Variants in VIRMA observed in about 807,000 individuals in gnomAD.
The protein encoded by VIRMA is vir like m6A methyltransferase associated.
A neutral mutation model predicts 182.4 loss-of-function variants in VIRMA; 65 were observed. The observed-to-expected ratio is 0.36, with a 90% CI of 0.29 to 0.44. VIRMA has a LOEUF of 0.44. VIRMA is among the 20% of genes least tolerant of loss of function. The pLI is 1.00. For missense variants in VIRMA, 1,752 were observed against 2,158.1 expected (o/e 0.81, Z 3.73); for synonymous variants, 709 against 743.1 (o/e 0.95, Z 0.75).
At chr8:94,551,750 G>A (rs1169933420) in intron 1 of VIRMA, among the ~76,000 whole-genome samples, 1 of 152,020 alleles carries the variant, frequency 6.6e-6, no homozygotes, top group African/African-American at 2.4e-5. Context: ...TTCGAGACAG[G>A]GTCTCACTCT....
chr8:94,542,143 T>G (rs995561467), intron 2 of VIRMA, among the ~76,000 whole-genome samples: 2 of 152,198 alleles, frequency 1.3e-5, no homozygotes, highest in African/African-American at 4.8e-5. Context: ...GTACACCCTA[T>G]GTAGGCCCCT....
rs1296995711 is a variant in VIRMA, at chr8:94,509,748, A to T, written c.3819T>A (p.Ser1273Arg). 3.7e-6 allele frequency: 6 copies of T among 1,613,948 alleles called. No homozygotes were observed. The highest frequency in any genetic ancestry group is 4.2e-6 in the Non-Finnish European group (5 of 1,179,952). ...ATTCAACACACTGTTGGCGAATAAC[A>T]CTGTCTCCAGGAGACCGCACCAAAG... Reference protein sequence around the residue: ...LLALVRSPGDSVIRQQCVEYV... With the variant: ...LLALVRSPGDRVIRQQCVEYV... The change falls in exon 15 of 24, where the codon AGT (serine) becomes AGA (arginine). Residue 1273 changes from serine to arginine, a missense_variant. By Grantham distance (110) the Ser-to-Arg change is moderately radical. This residue lies in a region of VIRMA where 777 missense variants were observed against 920.6 expected (regional missense o/e 0.84). Transcript: ENST00000297591.
At chr8:94,494,649 T>C (rs531951930) in intron 20 of VIRMA, among the ~76,000 whole-genome samples, 2 of 77,532 alleles carry the variant, frequency 2.6e-5, no homozygotes, top group East Asian at 6.8e-4. Flanking sequence ...AACCTCAAAA[T>C]ACAGATCACT....
At chr8:94,549,061 T>G (rs1018957773) in intron 1 of VIRMA, among the ~76,000 whole-genome samples, 2 of 152,216 alleles carry the variant, frequency 1.3e-5, no homozygotes, top group African/African-American at 4.8e-5. Flanking sequence ...TGGCTTATCT[T>G]GCATTCTTGA....
Position 94,488,845 on chromosome 8 carries a change from G to A in VIRMA, c.5300C>T (p.Pro1767Leu), listed in dbSNP as rs533701284. Residue 1767 changes from proline to leucine, a missense_variant, in exon 24 of 24, where the codon CCT becomes CTT. Pro to Leu is a moderately conservative substitution (Grantham distance 98). Transcript: ENST00000297591. The part of the protein sequence containing the change: ...PLSSTGYRPS[P>L]RDRASRGRGG... ...ACGACCTCTAGAAGCACGGTCCCGAGGACTTGGGCGGTAACCTGTAAAAGA... is the reference window on the plus strand; with the variant it reads ...ACGACCTCTAGAAGCACGGTCCCGAAGACTTGGGCGGTAACCTGTAAAAGA... The A allele has an allele frequency of 1.9e-6, 3 of 1,613,816 alleles. No homozygotes were observed. The highest frequency in any genetic ancestry group is 2.2e-5 in the South Asian group (2 of 91,052).
rs921761119 is a variant in VIRMA, at chr8:94,529,058, A to G, written c.880+12T>C. ...GTACTTAAACCCCAAAGTCCTAGCT[A>G]ACATAACCCACCTTCACCTTCTTCA... On this transcript the variant is annotated intron_variant, in intron 7 of 23. Transcript: ENST00000297591. The G allele has an allele frequency of 2.5e-6, 4 of 1,611,708 alleles. No individual in the cohort carries two copies. The highest frequency in any genetic ancestry group is 3.4e-6 in the Non-Finnish European group (4 of 1,177,910).
chr8:94,495,715 A>C lies in VIRMA; in HGVS notation c.4544+16T>G, dbSNP rs1349766174. On this transcript the variant is annotated intron_variant, in intron 19 of 23. Coordinates refer to ENST00000297591, the MANE Select transcript of VIRMA (RefSeq NM_015496.5). ...AAACCAACAGCTATTCAATCATAAA[A>C]CATTGTGTATTTTACCTATTGTTAA... 6.2e-7 allele frequency: 1 copy of C among 1,607,728 alleles called. No homozygotes were observed. Among genetic ancestry groups the C allele is most frequent in the East Asian group, 2.2e-5 (1 of 44,812 alleles).
At chr8:94,524,001 GTTTA>G (rs113588036) in intron 8 of VIRMA, among the ~76,000 whole-genome samples, 94 of 150,328 alleles carry the variant, frequency 6.3e-4, no homozygotes, top group African/African-American at 2.0e-3. Context: ...TTTGTTACTT[GTTTA>G]TTTATTTTTT....
chr8:94,530,850 T>G, intron 6 of VIRMA, 113 bp downstream of exon 6: 1 of 1,146,304 alleles, frequency 8.7e-7, no homozygotes, highest in Non-Finnish European at 1.2e-6. Flanking sequence ...TGGTCAAGAC[T>G]GCAGTGAGCC....
chr8:94,490,500 T>A (rs1167245292), intron 22 of VIRMA, among the ~76,000 whole-genome samples: 1 of 152,200 alleles, frequency 6.6e-6, no homozygotes, highest in African/African-American at 2.4e-5. Context: ...TATGAAAACA[T>A]GTTTATCAAT....
At chr8:94,495,589 C>T (rs1052909836) in intron 19 of VIRMA, 142 bp downstream of exon 19, 19 of 392,024 alleles carry the variant, frequency 4.8e-5, no homozygotes, top group Non-Finnish European at 8.0e-5. Flanking sequence ...AAGAAGAATA[C>T]ACAACAGAGG....
At chr8:94,514,749 T>C in intron 11 of VIRMA, 120 bp downstream of exon 11, 1 of 574,152 alleles carries the variant, frequency 1.7e-6, no homozygotes, top group South Asian at 3.1e-5. Flanking sequence ...CAAAGTCTAA[T>C]AAATCAATCA....
chr8:94,534,642 CCT>C (rs1350804091), intron 5 of VIRMA, among the ~76,000 whole-genome samples, 195 bp downstream of exon 5: 1 of 151,310 alleles, frequency 6.6e-6, no homozygotes, highest in Non-Finnish European at 1.5e-5. Flanking sequence ...CCTATCTCCC[CCT>C]CTTCCTCCTT....
chr8:94,491,048 T>C (rs1462993612), intron 22 of VIRMA, among the ~76,000 whole-genome samples: 2 of 151,772 alleles, frequency 1.3e-5, no homozygotes, highest in Non-Finnish European at 2.9e-5. Flanking sequence ...GCACGGTGGT[T>C]CATGCCTGTA....
In VIRMA at chr8:94,488,695, C is replaced by T; in HGVS notation, c.*11G>A. ...TGTTCATATACAGTTAAGATGTTCCCAAAAGGATTTTTATCGTGTAAAGGA... is the reference window on the plus strand; with the variant it reads ...TGTTCATATACAGTTAAGATGTTCCTAAAAGGATTTTTATCGTGTAAAGGA... On this transcript the variant is annotated 3_prime_UTR_variant, in exon 24 of 24. Transcript: ENST00000297591. 1 of 1,613,566 alleles carries T rather than the reference C, an allele frequency of 6.2e-7. No individual in the cohort carries two copies. The highest frequency in any genetic ancestry group is 8.5e-7 in the Non-Finnish European group (1 of 1,179,680).
At chr8:94,529,020 G>C (rs370941628) in intron 7 of VIRMA, 50 bp downstream of exon 7, 5 of 1,592,660 alleles carry the variant, frequency 3.1e-6, no homozygotes, top group Non-Finnish European at 3.4e-6. Flanking sequence ...AAGCTGTATC[G>C]AGTTAGTTTC....
intron 22 of VIRMA, 112 bp downstream of exon 22, chr8:94,491,466 T>C: frequency 9.7e-7 from 1 of 1,031,796 alleles, no homozygotes; most frequent in Non-Finnish European, 1.4e-6. Context: ...GTGGCTCAAC[T>C]GCAGCAACAG....
At chr8:94,530,181 A>T (rs949407228) in intron 6 of VIRMA, among the ~76,000 whole-genome samples, 3 of 151,768 alleles carry the variant, frequency 2.0e-5, no homozygotes, top group African/African-American at 4.8e-5. Context: ...GAATTAACAA[A>T]TTTTTTTTTA....
chr8:94,532,018 G>C (rs889438864), intron 5 of VIRMA, among the ~76,000 whole-genome samples: 2 of 152,228 alleles, frequency 1.3e-5, no homozygotes, highest in African/African-American at 2.4e-5. Flanking sequence ...CCAAAGGCTA[G>C]AGATGGGTGG....
Sources: gnomAD v4.1 joint callset for allele counts (sites outside exome capture counted in the v4.1 genomes callset) on GRCh38, gnomAD v4.1.1 for gene constraint, gnomAD v4.1.1 regional missense constraint, MANE v1.5 for transcripts, NCBI Gene and HGNC (gene_info 2026-07-23, HGNC 2026-07-21) for gene names.